Variants in TRPC7 observed in about 807,000 individuals in gnomAD.
TRPC7 encodes transient receptor potential cation channel subfamily C member 7.
Under a neutral mutation model 90.1 loss-of-function variants are expected in TRPC7, and 42 were observed. The observed-to-expected ratio is 0.47, with a 90% CI of 0.36 to 0.60. TRPC7 has a LOEUF of 0.60. Among genes scored for constraint, TRPC7 ranks in the 20% least tolerant of loss-of-function variants. The pLI is 0.00. For missense variants in TRPC7, 955 were observed against 1,112.3 expected, an observed-to-expected ratio of 0.86 and a Z score of 2.01; for synonymous variants, 451 against 436.3, an observed-to-expected ratio of 1.03 and a Z score of -0.42.
chr5:136,247,138 T>C lies in TRPC7; in HGVS notation c.1844+333A>G, dbSNP rs966964255. 2.6e-5 allele frequency among the ~76,000 whole-genome samples: 4 copies of C among 152,202 alleles called. No homozygotes were observed. The highest frequency in any genetic ancestry group is 7.2e-5 in the African/African-American group (3 of 41,446). ...TGGCATTCTGTTTTTAGTAGTGGTC[T>C]TTCCATTTATGAAATTTCCATTTAT... On this transcript the variant is annotated intron_variant, in intron 7 of 11. Transcript: ENST00000513104. The surrounding 1 kb of genome is among the most constrained non-coding windows in gnomAD (Gnocchi z 4.2).
chr5:136,348,416 ATC>A (rs1760078809), intron 2 of TRPC7, among the ~76,000 whole-genome samples: 2 of 152,130 alleles, frequency 1.3e-5, no homozygotes, highest in South Asian at 4.2e-4. Context: ...TTGTCCATTT[ATC>A]TCTTTTATTC....
chr5:136,288,136 G>A (rs914719394), intron 3 of TRPC7, among the ~76,000 whole-genome samples: 45 of 152,018 alleles, frequency 3.0e-4, no homozygotes, highest in African/African-American at 9.6e-4. Flanking sequence ...AGAAACTGAG[G>A]CAGAGGGCTA....
chr5:136,335,459 C>A (rs571459608), intron 2 of TRPC7, among the ~76,000 whole-genome samples: 44 of 152,164 alleles, frequency 2.9e-4, no homozygotes, highest in African/African-American at 1.0e-3. Context: ...TACAGTGTCT[C>A]TTATGTCTGA....
chr5:136,243,436 G>A (rs1413241545), intron 7 of TRPC7, among the ~76,000 whole-genome samples: 1 of 152,070 alleles, frequency 6.6e-6, no homozygotes, highest in Non-Finnish European at 1.5e-5. Context: ...CAGATGCTGA[G>A]TTCTATAGAC....
intron 2 of TRPC7, among the ~76,000 whole-genome samples, chr5:136,352,683 A>G (rs990139886): frequency 3.3e-5 from 5 of 152,148 alleles, no homozygotes; most frequent in African/African-American, 1.2e-4. Flanking sequence ...TCTGGCTCCT[A>G]CTGCATAGAT....
chr5:136,289,464 C>T (rs11745320), intron 3 of TRPC7, among the ~76,000 whole-genome samples: 3,616 of 152,340 alleles, frequency 0.024, 51 homozygotes, highest in Middle Eastern at 0.027. Context: ...GCTCTTCCAA[C>T]GGGCTTAACA....
intron 3 of TRPC7, among the ~76,000 whole-genome samples, chr5:136,279,518 T>C (rs1757476907): frequency 6.6e-6 from 1 of 151,934 alleles, no homozygotes; most frequent in African/African-American, 2.4e-5. Context: ...GCTCAGAGGG[T>C]GCTGATGTGA....
chr5:136,264,371 A>T (rs1561693020), intron 5 of TRPC7, among the ~76,000 whole-genome samples: 1 of 152,182 alleles, frequency 6.6e-6, no homozygotes, highest in Non-Finnish European at 1.5e-5. Context: ...AATACTTTAA[A>T]TTTTATTCAT....
At chr5:136,296,156 C>A in intron 3 of TRPC7, among the ~76,000 whole-genome samples, 1 of 152,008 alleles carries the variant, frequency 6.6e-6, no homozygotes, top group Non-Finnish European at 1.5e-5. Flanking sequence ...GGGGGTGGGG[C>A]AGGATTCACA....
chr5:136,242,244 G>C (rs1580853611), intron 7 of TRPC7, among the ~76,000 whole-genome samples: 1 of 152,292 alleles, frequency 6.6e-6, no homozygotes, highest in African/African-American at 2.4e-5. Flanking sequence ...CATAAACCTT[G>C]TCTGAACATT....
intron 2 of TRPC7, among the ~76,000 whole-genome samples, chr5:136,337,561 G>A (rs1014168689): frequency 5.3e-5 from 8 of 151,742 alleles, no homozygotes; most frequent in African/African-American, 1.7e-4. Context: ...AGCTACTCAA[G>A]AGGCTGAGGC....
At chr5:136,286,992 A>G (rs1228917699) in intron 3 of TRPC7, among the ~76,000 whole-genome samples, 1 of 152,122 alleles carries the variant, frequency 6.6e-6, no homozygotes, top group Admixed American at 6.5e-5. Flanking sequence ...AAATCTTGTT[A>G]ATTTCCTTCT....
intron 2 of TRPC7, among the ~76,000 whole-genome samples, chr5:136,355,958 A>T (rs1261356224): frequency 6.6e-6 from 1 of 152,212 alleles, no homozygotes; most frequent in Non-Finnish European, 1.5e-5. Context: ...CTCTAGGCTG[A>T]CCTGGCAGGT....
At chr5:136,347,861 G>T (rs1381576179) in intron 2 of TRPC7, among the ~76,000 whole-genome samples, 1 of 152,180 alleles carries the variant, frequency 6.6e-6, no homozygotes, top group Non-Finnish European at 1.5e-5. Context: ...GCACTGAGAG[G>T]TCCCAGAGAT....
intron 2 of TRPC7, among the ~76,000 whole-genome samples, chr5:136,345,755 T>C (rs915732060): frequency 3.3e-5 from 5 of 152,228 alleles, no homozygotes; most frequent in Non-Finnish European, 5.9e-5. Flanking sequence ...TTTGGTGTTT[T>C]AGACATGAAG....
At chr5:136,364,630 C>T (rs555175276) in intron 1 of TRPC7, among the ~76,000 whole-genome samples, 2 of 152,186 alleles carry the variant, frequency 1.3e-5, no homozygotes, top group African/African-American at 4.8e-5. Flanking sequence ...TGTGTCTACT[C>T]AATCATAGGT....
At chr5:136,359,723 G>A (rs988712266) in intron 1 of TRPC7, among the ~76,000 whole-genome samples, 4 of 151,872 alleles carry the variant, frequency 2.6e-5, no homozygotes, top group African/African-American at 9.7e-5. Flanking sequence ...ATTCCCAAGA[G>A]GCTTTGTTTC....
chr5:136,239,990 G>A (rs1410355659), intron 7 of TRPC7, among the ~76,000 whole-genome samples: 1 of 152,158 alleles, frequency 6.6e-6, no homozygotes, highest in African/African-American at 2.4e-5. Flanking sequence ...AGTTGCCACA[G>A]CACTCTTCCT....
chr5:136,360,872 T>G (rs1760548235), intron 1 of TRPC7, among the ~76,000 whole-genome samples: 1 of 152,178 alleles, frequency 6.6e-6, no homozygotes, highest in South Asian at 2.1e-4. Flanking sequence ...TCTGACTCCC[T>G]CTTACCCTAA....
Sources: gnomAD v4.1 joint callset for allele counts (sites outside exome capture counted in the v4.1 genomes callset) on GRCh38, gnomAD v4.1.1 for gene constraint, Gnocchi (gnomAD v3.1) non-coding constraint, MANE v1.5 for transcripts, NCBI Gene and HGNC (gene_info 2026-07-23, HGNC 2026-07-21) for gene names.